Variants in IMPACT observed in about 807,000 individuals in gnomAD.
The protein encoded by IMPACT is protein IMPACT.
IMPACT carries 35 observed loss-of-function variants against 47.5 expected under a neutral mutation model. The observed-to-expected ratio is 0.74, with a 90% CI of 0.56 to 0.98. The LOEUF (loss-of-function observed/expected upper bound fraction) is 0.98, where lower values mean the gene tolerates loss of function less well. Among genes scored for constraint, IMPACT ranks in the 50% least tolerant of loss-of-function variants. The pLI is 0.00. For synonymous variants in IMPACT, 118 were observed against 125.6 expected, an observed-to-expected ratio of 0.94 and a Z score of 0.40; for missense variants, 373 against 394.8, an observed-to-expected ratio of 0.94 and a Z score of 0.47.
chr18:24,430,368 C>T lies in IMPACT; in HGVS notation c.265C>T (p.Leu89Phe), dbSNP rs752061840. 1.9e-6 allele frequency: 3 copies of T among 1,596,468 alleles called. No homozygotes were observed. The African/African-American group carries it at 4.0e-5, about 22-fold the overall frequency. Reference sequence around the variant, plus strand: ...AGAACGTGCGGATTTATCAAATAGCCTTGAGGAAATATATATGTAAGTGAC... The same window carrying T: ...AGAACGTGCGGATTTATCAAATAGCTTTGAGGAAATATATATGTAAGTGAC... ...GQERADLSNS[L>F]EEIYIQNIGE... The change falls in exon 4 of 11, where the codon CTT (leucine) becomes TTT (phenylalanine). Residue 89 changes from leucine (L) to phenylalanine (F), a missense_variant. Coordinates refer to ENST00000284202, the MANE Select transcript of IMPACT (RefSeq NM_018439.4).
At chr18:24,442,735 A>G (rs1909147759) in intron 6 of IMPACT, among the ~76,000 whole-genome samples, 1 of 152,300 alleles carries the variant, frequency 6.6e-6, no homozygotes, top group South Asian at 2.1e-4. Context: ...AAAATTATAT[A>G]TTAGATATTG....
chr18:24,449,131 C>G (rs1237540619), intron 9 of IMPACT, among the ~76,000 whole-genome samples: 1 of 152,084 alleles, frequency 6.6e-6, no homozygotes, highest in African/African-American at 2.4e-5. Context: ...GAAGCTGAGG[C>G]GGGGAGATCA....
chr18:24,436,532 C>A (rs978423094), intron 4 of IMPACT, among the ~76,000 whole-genome samples: 7 of 150,590 alleles, frequency 4.6e-5, no homozygotes, highest in Non-Finnish European at 7.4e-5. Flanking sequence ...CCACATCTGG[C>A]CTGTTTTTTT....
chr18:24,450,451 T>G (rs1413889429), intron 10 of IMPACT, among the ~76,000 whole-genome samples: 2 of 152,224 alleles, frequency 1.3e-5, no homozygotes, highest in African/African-American at 4.8e-5. Flanking sequence ...CATATCTGCC[T>G]TATTTAAATT....
chr18:24,450,043 T>C, intron 10 of IMPACT, 90 bp downstream of exon 10: 3 of 1,367,350 alleles, frequency 2.2e-6, no homozygotes, highest in Non-Finnish European at 1.0e-6. Context: ...TGAATCAGAA[T>C]GTGAGTGGTG....
chr18:24,433,841 T>C (rs1250747325), intron 4 of IMPACT, among the ~76,000 whole-genome samples: 1 of 151,882 alleles, frequency 6.6e-6, no homozygotes, highest in East Asian at 2.0e-4. Context: ...TGGCTAATTT[T>C]TGTATTTTTA....
chr18:24,435,634 G>A (rs1172151339), intron 4 of IMPACT: 1 of 152,214 alleles, frequency 6.6e-6, no homozygotes, highest in African/African-American at 2.4e-5. Flanking sequence ...AAGGAGGCCA[G>A]AACTAAGTGT....
intron 4 of IMPACT, among the ~76,000 whole-genome samples, chr18:24,433,926 C>T (rs1599762358): frequency 6.6e-6 from 1 of 152,156 alleles, no homozygotes. Flanking sequence ...CTGCCTCGGC[C>T]TCCCAAAGTG....
chr18:24,444,175 T>A (rs919952902), intron 7 of IMPACT, among the ~76,000 whole-genome samples: 4 of 152,246 alleles, frequency 2.6e-5, no homozygotes, highest in African/African-American at 9.6e-5. Flanking sequence ...TAGTCACATC[T>A]TCTTCCCAGG....
chr18:24,426,827 C>T (rs1908620680), intron 1 of IMPACT, 35 bp downstream of exon 1: 7 of 1,229,570 alleles, frequency 5.7e-6, no homozygotes, highest in Admixed American at 4.2e-5. Flanking sequence ...TCTCCAGGCT[C>T]GGCTCCGGCT....
rs759934191 is a variant in IMPACT, at chr18:24,440,518, T to C, written c.390T>C (p.Thr130=). Residue 130 remains threonine, a synonymous_variant, in exon 6 of 11, where the codon ACT becomes ACC. Transcript: ENST00000284202. ...TEPGPDVKKK[T]EEEDVECEDD... ...TAGGCCCAGATGTAAAGAAGAAAAC[T>C]GAAGAGGAAGATGTTGAATGTGAAG... is the stretch of plus-strand genomic sequence containing the variant. 5 of 1,613,170 alleles carry C rather than the reference T, an allele frequency of 3.1e-6. No homozygotes were observed. Among genetic ancestry groups the C allele is most frequent in the Non-Finnish European group, 3.4e-6 (4 of 1,179,454 alleles).
rs988983609 is a variant in IMPACT at position 24,427,940 on chromosome 18, G to A, written c.58G>A (p.Ala20Thr). 6.3e-7 allele frequency: 1 copy of A among 1,594,702 alleles called. No homozygotes were observed. The highest frequency in any genetic ancestry group is 1.7e-4 in the Middle Eastern group (1 of 5,952). The change falls in exon 2 of 11, where the codon GCA (alanine) becomes ACA (threonine). Residue 20 changes from alanine (A) to threonine (T), a missense_variant. By Grantham distance (58) the Ala-to-Thr change is moderately conservative. Coordinates refer to ENST00000284202, the MANE Select transcript of IMPACT (RefSeq NM_018439.4). ...TCAGAATGAGGAAATTGAAGCAATG[G>A]CAGCCATTTATGGCGAGGAGTGGTG... ...QRQNEEIEAM[A>T]AIYGEEWCVI...
chr18:24,432,697 G>GC (rs535220827), intron 4 of IMPACT, among the ~76,000 whole-genome samples: 17 of 148,940 alleles, frequency 1.1e-4, no homozygotes, highest in East Asian at 2.0e-4. Flanking sequence ...CAATTTATCT[G>GC]CCCCCCCGAT....
intron 4 of IMPACT, among the ~76,000 whole-genome samples, chr18:24,437,086 G>C (rs747387339): frequency 6.6e-6 from 1 of 152,138 alleles, no homozygotes; most frequent in South Asian, 2.1e-4. Flanking sequence ...CTCTTGTTTC[G>C]AAAGTTTTGG....
intron 4 of IMPACT, among the ~76,000 whole-genome samples, chr18:24,432,698 C>T (rs769117853): frequency 6.6e-6 from 1 of 151,558 alleles, no homozygotes; most frequent in Non-Finnish European, 1.5e-5. Flanking sequence ...AATTTATCTG[C>T]CCCCCCGATC....
At chr18:24,449,204 AAC>A (rs969075576) in intron 9 of IMPACT, among the ~76,000 whole-genome samples, 5 of 152,070 alleles carry the variant, frequency 3.3e-5, no homozygotes, top group African/African-American at 1.2e-4. Context: ...CTACTAAAAA[AAC>A]ACAAAAATTA....
chr18:24,450,833 A>G lies in IMPACT; in HGVS notation c.949A>G (p.Arg317Gly). 1 of 1,599,304 alleles carries G rather than the reference A, an allele frequency of 6.3e-7. No homozygotes were observed. The highest frequency in any genetic ancestry group is 1.1e-5 in the South Asian group (1 of 90,452). Residue 317 changes from arginine (R) to glycine (G), a missense_variant, in exon 11 of 11, where the codon AGG becomes GGG. Physicochemically the swap from Arg to Gly is moderately radical, Grantham distance 125. Transcript: ENST00000284202. ...KNKKVRKDKK[R>G]NEH ...CAAAAAAGTAAGAAAAGACAAGAAG[A>G]GGAATGAACATTAATACCTGAAACT...
At chr18:24,427,416 C>G (rs1908639511) in intron 1 of IMPACT, 1 of 153,136 alleles carries the variant, frequency 6.5e-6, no homozygotes. Flanking sequence ...GGTTTGATTA[C>G]CAAGCAACCA....
At chr18:24,429,350 T>G (rs963143554) in intron 3 of IMPACT, among the ~76,000 whole-genome samples, 2 of 152,202 alleles carry the variant, frequency 1.3e-5, no homozygotes, top group African/African-American at 4.8e-5. Flanking sequence ...TCCCCGTTGA[T>G]GTTGACGAAC....
Sources: allele counts gnomAD v4.1 joint callset (sites outside exome capture counted in the v4.1 genomes callset), GRCh38; gene constraint gnomAD v4.1.1; transcripts MANE v1.5; gene names NCBI Gene and HGNC (gene_info 2026-07-23, HGNC 2026-07-21).